Variants in MYH3 observed in about 807,000 individuals in gnomAD.
MYH3 encodes myosin-3.
MYH3 carries 130 observed loss-of-function variants against 238.0 expected under a neutral mutation model. The ratio of observed to expected loss-of-function variants is 0.55; its 90% CI spans 0.47 to 0.63. The LOEUF is 0.63. Ranked by LOEUF, MYH3 falls within the 30% of genes least tolerant of loss-of-function variation. The pLI is 0.00. For missense variants in MYH3, 1,853 were observed against 2,374.9 expected, an observed-to-expected ratio of 0.78 and a Z score of 4.57; for synonymous variants, 880 against 924.1, an observed-to-expected ratio of 0.95 and a Z score of 0.86.
Position 10,634,090 on chromosome 17 carries a change from G to A in MYH3, c.4449C>T (p.Phe1483=). The A allele has an allele frequency of 6.2e-7, 1 of 1,614,148 alleles. No individual in the cohort carries two copies. Among genetic ancestry groups the A allele is most frequent in the Non-Finnish European group, 8.5e-7 (1 of 1,180,012 alleles). ...CTTCCTCGTAGGCATTTTTCAGTTT[G>A]AAGAGCTCAGTGCTCAAGGAGCGGG... is the stretch of plus-strand genomic sequence containing the variant. ...KESRSLSTEL[F]KLKNAYEEAL... is the part of the protein sequence containing the mutation. The change falls in exon 32 of 41, where the codon TTC becomes TTT. Residue 1483 remains phenylalanine, a synonymous_variant. Transcript: ENST00000583535.
In MYH3 at chr17:10,654,812, C is replaced by T. The variant is rs1308551632; in HGVS notation, c.204+49G>A. 2 of 1,582,020 alleles carry T rather than the reference C, an allele frequency of 1.3e-6. No homozygotes were observed. Among genetic ancestry groups the T allele is most frequent in the Non-Finnish European group, 1.7e-6 (2 of 1,150,692 alleles). On this transcript the variant is annotated intron_variant, in intron 3 of 40. Coordinates refer to ENST00000583535, the MANE Select transcript of MYH3 (RefSeq NM_002470.4). The surrounding 1 kb of genome is among the most constrained non-coding windows in gnomAD (Gnocchi z 4.5). ...GGCAGATGCATACCCCAGGCAAGCA[C>T]AAGGACCAGGTGGAGGGCCAGCAGC...
the MYH3 span, among the ~76,000 whole-genome samples, chr17:10,671,202 T>C: frequency 1.3e-5 from 2 of 152,068 alleles, no homozygotes; most frequent in African/African-American, 2.4e-5. Flanking sequence ...CTCTGCTGTA[T>C]CTTATGGATG....
intron 10 of MYH3, among the ~76,000 whole-genome samples, 176 bp from the exon 11 acceptor site, chr17:10,646,208 C>A (rs1018181219): frequency 1.3e-5 from 2 of 152,090 alleles, no homozygotes; most frequent in Non-Finnish European, 2.9e-5. Flanking sequence ...AAAATATAGT[C>A]CAGGGAAGAC....
At chr17:10,666,419 A>AAAAAAAAAAAAACTT in the MYH3 span, among the ~76,000 whole-genome samples, 997 of 136,748 alleles carry the variant, frequency 7.3e-3, 35 homozygotes, top group African/African-American at 0.023. Flanking sequence ...GTCTCTACAA[A>AAAAAAAAAAAAACTT]AAAAAACCAG....
intron 6 of MYH3, 128 bp downstream of exon 6, chr17:10,650,246 G>A: frequency 3.4e-6 from 3 of 870,652 alleles, no homozygotes; most frequent in Admixed American, 2.0e-5. Flanking sequence ...AAAGTGCTGG[G>A]ATTACAGGTG....
intron 28 of MYH3, among the ~76,000 whole-genome samples, chr17:10,637,543 A>G (rs2074226989): frequency 6.6e-6 from 1 of 152,068 alleles, no homozygotes; most frequent in African/African-American, 2.4e-5. Context: ...ATTAATTTTG[A>G]AAGAGTTTGA....
chr17:10,663,339 C>T, the MYH3 span, among the ~76,000 whole-genome samples: 2 of 151,906 alleles, frequency 1.3e-5, no homozygotes, highest in Admixed American at 1.3e-4. Flanking sequence ...TGATGGTGTT[C>T]GAATGAGGGA....
the MYH3 span, among the ~76,000 whole-genome samples, chr17:10,670,323 G>A: frequency 3.3e-5 from 5 of 152,166 alleles, no homozygotes; most frequent in Non-Finnish European, 2.9e-5. This position sits in a 1 kb window ranked among gnomAD's most constrained non-coding sequence, Gnocchi z 7.0. Context: ...GCCTGGCCAC[G>A]GCTTCATAAT....
the MYH3 span, among the ~76,000 whole-genome samples, chr17:10,664,045 A>G: frequency 7.2e-6 from 1 of 138,460 alleles, no homozygotes; most frequent in African/African-American, 2.8e-5. Flanking sequence ...CCTGGGTGAC[A>G]GAGTGAGACT....
Position 10,651,506 on chromosome 17 carries a change from A to G in MYH3, c.505+6T>C. The G allele has an allele frequency of 1.9e-6, 3 of 1,613,218 alleles. No individual in the cohort carries two copies. The highest frequency in any genetic ancestry group is 2.5e-6 in the Non-Finnish European group (3 of 1,179,732). ...AGCATCCCATGCTTCCTCCTGGGAA[A>G]CTCACCAGTCAGCATGAACTGATAG... On this transcript the variant is annotated splice_donor_region_variant and intron_variant, in intron 5 of 40. Transcript: ENST00000583535.
upstream of MYH3, among the ~76,000 whole-genome samples, chr17:10,657,896 C>T (rs905011681): frequency 9.2e-5 from 14 of 152,136 alleles, no homozygotes; most frequent in African/African-American, 3.4e-4. Context: ...CTACTCCTCT[C>T]CTTCTTTCTC....
chr17:10,628,770 C>G, intron 40 of MYH3, 91 bp from the exon 41 acceptor site: 1 of 1,390,178 alleles, frequency 7.2e-7, no homozygotes, highest in Non-Finnish European at 1.0e-6. Context: ...GAGTTGCTTG[C>G]CTACTTCAGT....
the MYH3 span, chr17:10,676,958 A>G: frequency 6.6e-6 from 1 of 152,244 alleles, no homozygotes; most frequent in Admixed American, 6.5e-5. Context: ...GTTAATGAAT[A>G]GAAATAACCG....
In MYH3 at chr17:10,638,037, C is replaced by A; in HGVS notation, c.3729+6G>T. On this transcript the variant is annotated splice_donor_region_variant and intron_variant, in intron 27 of 40. Transcript: ENST00000583535. Reference sequence around the variant, plus strand: ...AGCCTTGAGCCACCCCCACCCCGCGCAGCACCTTAGATTTCGACACACTCT... The same window carrying A: ...AGCCTTGAGCCACCCCCACCCCGCGAAGCACCTTAGATTTCGACACACTCT... 6.2e-7 allele frequency: 1 copy of A among 1,614,022 alleles called. No individual in the cohort carries two copies. The highest frequency in any genetic ancestry group is 8.5e-7 in the Non-Finnish European group (1 of 1,180,014).
At chr17:10,666,520 T>C in the MYH3 span, among the ~76,000 whole-genome samples, 8 of 149,022 alleles carry the variant, frequency 5.4e-5, no homozygotes, top group South Asian at 1.5e-3. Flanking sequence ...GGTGGGAGAA[T>C]TGCTTGAGCC....
intron 31 of MYH3, 111 bp downstream of exon 31, chr17:10,634,729 C>T: frequency 7.4e-7 from 1 of 1,352,654 alleles, no homozygotes. Flanking sequence ...TTGCCCAAGG[C>T]CACACTGCTG....
At position 10,644,422 on chromosome 17, in the gene MYH3, G is replaced by T; in HGVS notation, c.1339C>A (p.Gln447Lys). Reference sequence around the variant, plus strand: ...TGTCTTGGAAGCTTCGTATCCAGTTGCTGGTTAATGCGAGTGACCATCCAC... The same window carrying T: ...TGTCTTGGAAGCTTCGTATCCAGTTTCTGGTTAATGCGAGTGACCATCCAC... The part of the protein sequence containing the change: ...FLWMVTRINQ[Q>K]LDTKLPRQHF... Residue 447 changes from glutamine (Q) to lysine (K), a missense_variant, in exon 14 of 41, where the codon CAA (glutamine) becomes AAA (lysine). By Grantham distance (53) the Gln-to-Lys change is moderately conservative. Coordinates refer to ENST00000583535, the MANE Select transcript of MYH3 (RefSeq NM_002470.4). The T allele has an allele frequency of 6.2e-7, 1 of 1,613,944 alleles. No individual in the cohort carries two copies. The highest frequency in any genetic ancestry group is 8.5e-7 in the Non-Finnish European group (1 of 1,179,800).
Position 10,645,630 on chromosome 17 carries a change from T to C in MYH3, c.1141+77A>G, listed in dbSNP as rs1487420466. On this transcript the variant is annotated intron_variant, in intron 12 of 40. Coordinates refer to ENST00000583535, the MANE Select transcript of MYH3 (RefSeq NM_002470.4). ...GAGCCACTGTGCCTGGCTGGATTAA[T>C]TGCTTTCAAAAGCAGTACCAAGTGA... 8.3e-6 allele frequency: 13 copies of C among 1,570,380 alleles called. No homozygotes were observed. The African/African-American group carries it at 9.4e-5, about 11-fold the overall frequency.
At chr17:10,672,179 C>G in the MYH3 span, among the ~76,000 whole-genome samples, 5 of 152,254 alleles carry the variant, frequency 3.3e-5, no homozygotes, top group South Asian at 1.0e-3. Context: ...GACTAAGAAC[C>G]TAACTTGTTT....
Sources: gnomAD v4.1 joint callset for allele counts (sites outside exome capture counted in the v4.1 genomes callset) on GRCh38, gnomAD v4.1.1 for gene constraint, Gnocchi (gnomAD v3.1) non-coding constraint, MANE v1.5 for transcripts, NCBI Gene and HGNC (gene_info 2026-07-23, HGNC 2026-07-21) for gene names.